LMBR1: variants seen among roughly 807,000 people sequenced by gnomAD.
LMBR1 encodes limb region 1 protein homolog.
A neutral mutation model predicts 73.9 loss-of-function variants in LMBR1; 52 were observed. That is an observed-to-expected ratio of 0.70 (90% CI 0.56 to 0.89). LMBR1 has a LOEUF of 0.89. Ranked by LOEUF, LMBR1 falls within the 40% of genes least tolerant of loss-of-function variation. LMBR1 has a pLI of 0.00. For missense variants in LMBR1, 539 were observed against 579.8 expected (o/e 0.93, Z 0.72); for synonymous variants, 215 against 209.4 (o/e 1.03, Z -0.23).
chr7:156,851,676 G>A (rs897760342), intron 1 of LMBR1, among the ~76,000 whole-genome samples: 4 of 152,006 alleles, frequency 2.6e-5, no homozygotes, highest in African/African-American at 7.2e-5. Flanking sequence ...AAAGATACTC[G>A]CACATAAAAA....
intron 9 of LMBR1, among the ~76,000 whole-genome samples, chr7:156,749,865 T>TA (rs1820517484): frequency 6.6e-6 from 1 of 152,074 alleles, no homozygotes; most frequent in Non-Finnish European, 1.5e-5. Flanking sequence ...ATTTTTGTAT[T>TA]TTTAATAGAG....
intron 9 of LMBR1, 86 bp downstream of exon 9, chr7:156,756,307 G>T: frequency 1.4e-6 from 1 of 717,988 alleles, no homozygotes; most frequent in East Asian, 2.6e-5. Context: ...ATTCAGAGAG[G>T]TTTATATTTT....
intron 5 of LMBR1, among the ~76,000 whole-genome samples, chr7:156,780,688 G>A (rs1826976219): frequency 6.6e-6 from 1 of 152,146 alleles, no homozygotes. Flanking sequence ...CGTGCTTACT[G>A]AATCTTTGCA....
chr7:156,695,067 T>C (rs551570550), intron 15 of LMBR1, among the ~76,000 whole-genome samples: 1 of 152,304 alleles, frequency 6.6e-6, no homozygotes, highest in East Asian at 1.9e-4. Context: ...CCCAGCCCTT[T>C]GGGAGGCTGA....
intron 4 of LMBR1, among the ~76,000 whole-genome samples, chr7:156,812,766 T>C (rs1833308705): frequency 6.6e-6 from 1 of 152,166 alleles, no homozygotes. Context: ...TACCCATCAG[T>C]GTAAAACAAA....
intron 8 of LMBR1, among the ~76,000 whole-genome samples, chr7:156,757,747 A>G (rs1822175824): frequency 6.6e-6 from 1 of 152,244 alleles, no homozygotes; most frequent in Non-Finnish European, 1.5e-5. Context: ...CAGAAAACAG[A>G]TTTTCAAATC....
intron 1 of LMBR1, among the ~76,000 whole-genome samples, chr7:156,852,587 A>G (rs1251278751): frequency 6.6e-6 from 1 of 152,252 alleles, no homozygotes; most frequent in East Asian, 1.9e-4. Context: ...TGGAAAAGTA[A>G]CACCAAATAA....
chr7:156,772,811 G>A (rs951764911), intron 5 of LMBR1, among the ~76,000 whole-genome samples: 44 of 151,802 alleles, frequency 2.9e-4, no homozygotes, highest in African/African-American at 1.1e-3. Context: ...TTGTGCCACT[G>A]CACTTCGGCC....
chr7:156,740,687 C>T (rs1025617067), intron 9 of LMBR1, among the ~76,000 whole-genome samples: 3 of 152,106 alleles, frequency 2.0e-5, no homozygotes, highest in Non-Finnish European at 4.4e-5. Flanking sequence ...AAGACTTTCC[C>T]AGACAAACAA....
At chr7:156,826,862 T>G (rs1835792760) in intron 3 of LMBR1, 118 bp from the exon 4 acceptor site, 1 of 928,274 alleles carries the variant, frequency 1.1e-6, no homozygotes. Context: ...ATTAAGAACT[T>G]TATTAAATAT....
chr7:156,829,113 G>C (rs570799550), intron 3 of LMBR1, among the ~76,000 whole-genome samples: 1 of 152,286 alleles, frequency 6.6e-6, no homozygotes, highest in Non-Finnish European at 1.5e-5. Context: ...AAGCATACAG[G>C]GGCAGGACTT....
At chr7:156,708,035 A>AT (rs71522054) in intron 15 of LMBR1, among the ~76,000 whole-genome samples, 1,644 of 109,110 alleles carry the variant, frequency 0.015, 32 homozygotes, top group African/African-American at 0.052. Flanking sequence ...ATTTCTATAT[A>AT]AAAAAAAAAA....
chr7:156,735,110 T>C (rs981654067), intron 9 of LMBR1, among the ~76,000 whole-genome samples: 9 of 152,200 alleles, frequency 5.9e-5, no homozygotes, highest in African/African-American at 1.9e-4. Context: ...TCCAGTACAT[T>C]TTGGTTCTAA....
intron 5 of LMBR1, among the ~76,000 whole-genome samples, chr7:156,776,846 A>C (rs1430149266): frequency 6.6e-6 from 1 of 152,178 alleles, no homozygotes; most frequent in Non-Finnish European, 1.5e-5. Flanking sequence ...AGAAAGTTTT[A>C]CTACGACATT....
chr7:156,709,568 C>A (rs983199650), intron 15 of LMBR1, among the ~76,000 whole-genome samples: 21 of 152,188 alleles, frequency 1.4e-4, no homozygotes, highest in Admixed American at 9.2e-4. Flanking sequence ...CATCCCAGAG[C>A]CTGGTAGCCC....
intron 10 of LMBR1, among the ~76,000 whole-genome samples, chr7:156,733,433 T>TA (rs762946633): frequency 2.6e-5 from 4 of 151,968 alleles, no homozygotes; most frequent in South Asian, 2.1e-4. Flanking sequence ...TTGAACGTGT[T>TA]AGAGACATAA....
At chr7:156,867,172 A>T (rs1164189751) in intron 1 of LMBR1, among the ~76,000 whole-genome samples, 6 of 152,276 alleles carry the variant, frequency 3.9e-5, no homozygotes, top group Non-Finnish European at 8.8e-5. Flanking sequence ...AAGATGCTCA[A>T]CATCATTAGT....
chr7:156,782,043 A>T (rs1378193926), intron 5 of LMBR1, among the ~76,000 whole-genome samples: 1 of 152,180 alleles, frequency 6.6e-6, no homozygotes, highest in Non-Finnish European at 1.5e-5. Flanking sequence ...TACAACTTTG[A>T]CAATGCTATA....
At chr7:156,675,856 A>T, downstream of LMBR1, 1 of 1,613,294 alleles carries the variant, frequency 6.2e-7, no homozygotes, top group South Asian at 1.1e-5. Context: ...GAGAAAATCC[A>T]AGTGCAGGTA....
Sources: gnomAD v4.1 joint callset for allele counts (sites outside exome capture counted in the v4.1 genomes callset) on GRCh38, gnomAD v4.1.1 for gene constraint, MANE v1.5 for transcripts, NCBI Gene and HGNC (gene_info 2026-07-23, HGNC 2026-07-21) for gene names.